The following MYT1L variants were observed in gnomAD, a reference collection of about 807,000 sequenced individuals.
MYT1L encodes myelin transcription factor 1 like, also known as myelin transcription factor 1-like protein.
MYT1L carries 12 observed loss-of-function variants against 126.7 expected under a neutral mutation model. The observed-to-expected ratio is 0.09, with a 90% CI of 0.06 to 0.15. MYT1L has a LOEUF of 0.15. Among genes scored for constraint, MYT1L ranks in the 10% least tolerant of loss-of-function variants. The pLI, the probability that MYT1L is intolerant of heterozygous loss-of-function variation, is 1.00. For missense variants in MYT1L, 979 were observed against 1,585.2 expected (o/e 0.62, Z 6.49); for synonymous variants, 541 against 604.2 (o/e 0.90, Z 1.53).
At chr2:2,300,526 G>A (rs1014174756) in intron 1 of MYT1L, among the ~76,000 whole-genome samples, 4 of 152,074 alleles carry the variant, frequency 2.6e-5, no homozygotes, top group African/African-American at 9.7e-5. Flanking sequence ...AATTTCTTGA[G>A]GTAATTTACA....
intron 14 of MYT1L, among the ~76,000 whole-genome samples, chr2:1,894,021 C>T (rs1307710584): frequency 6.6e-6 from 1 of 152,254 alleles, no homozygotes; most frequent in Non-Finnish European, 1.5e-5. Flanking sequence ...CCGCTTTACA[C>T]CCAGATTCCT....
In MYT1L at chr2:1,974,716, T is replaced by C. The variant is rs993950690; in HGVS notation, c.152+4449A>G. ...GAGCTGACTTAATGCTTTTATCAGA[T>C]CCTGGAACTCTGTCCTTCGCCTTTC... is the stretch of plus-strand genomic sequence containing the variant. On this transcript the variant is annotated intron_variant, in intron 8 of 24. Coordinates refer to ENST00000647738, the MANE Select transcript of MYT1L (RefSeq NM_001303052.2). 2.6e-5 allele frequency: 4 copies of C among 152,168 alleles called. No individual in the cohort carries two copies. The East Asian group carries it at 7.7e-4, about 29-fold the overall frequency. The allele number at this position is 152,168 out of a possible 1,614,324, so 9.4% of individuals were successfully genotyped here.
At chr2:2,267,085 G>C (rs2095150400) in intron 2 of MYT1L, among the ~76,000 whole-genome samples, 1 of 152,244 alleles carries the variant, frequency 6.6e-6, no homozygotes, top group Non-Finnish European at 1.5e-5. Flanking sequence ...TGGGGAAACT[G>C]AGCCAGGAGG....
intron 3 of MYT1L, among the ~76,000 whole-genome samples, chr2:2,082,424 C>G (rs541886908): frequency 2.0e-5 from 3 of 152,160 alleles, no homozygotes; most frequent in Non-Finnish European, 2.9e-5. Flanking sequence ...AAGTTTTACA[C>G]GAGCAAGTGA....
chr2:1,827,174 T>C, intron 21 of MYT1L: 1 of 152,508 alleles, frequency 6.6e-6, no homozygotes, highest in Non-Finnish European at 1.5e-5. Context: ...AGTGAGGGGC[T>C]GCCAGCCCAG....
chr2:2,167,078 T>C (rs1028635437), intron 3 of MYT1L, among the ~76,000 whole-genome samples: 1 of 152,186 alleles, frequency 6.6e-6, no homozygotes, highest in African/African-American at 2.4e-5. Context: ...TCTTGGGTTC[T>C]TTATGAATAA....
At chr2:2,231,691 A>G (rs960423776) in intron 2 of MYT1L, among the ~76,000 whole-genome samples, 2 of 151,676 alleles carry the variant, frequency 1.3e-5, no homozygotes, top group African/African-American at 4.8e-5. Flanking sequence ...CGAGCAATCC[A>G]CCCGCCTCAG....
chr2:1,989,611 G>T (rs893560009), intron 5 of MYT1L, among the ~76,000 whole-genome samples: 10 of 152,260 alleles, frequency 6.6e-5, no homozygotes, highest in African/African-American at 2.4e-4. Context: ...GATGCTCTAC[G>T]CAGGAAAGAA....
intron 13 of MYT1L, among the ~76,000 whole-genome samples, chr2:1,904,106 TA>T (rs1321864776): frequency 2.0e-5 from 3 of 152,226 alleles, no homozygotes; most frequent in African/African-American, 7.2e-5. Context: ...ACCATCTTCA[TA>T]ACCGTCAGAC....
chr2:2,257,673 C>G (rs1457783877), intron 2 of MYT1L, among the ~76,000 whole-genome samples: 2 of 147,360 alleles, frequency 1.4e-5, no homozygotes, highest in Non-Finnish European at 2.9e-5. Context: ...GTATTTTATT[C>G]TCTTTGAGGC....
chr2:2,051,985 A>C (rs2068882932), intron 4 of MYT1L, among the ~76,000 whole-genome samples: 1 of 152,216 alleles, frequency 6.6e-6, no homozygotes, highest in Non-Finnish European at 1.5e-5. Context: ...ATCCCCAAAT[A>C]GCCAAAACTA....
At chr2:2,169,849 T>C (rs574514577) in intron 3 of MYT1L, among the ~76,000 whole-genome samples, 29 of 152,208 alleles carry the variant, frequency 1.9e-4, no homozygotes, top group Admixed American at 2.0e-4. Flanking sequence ...GAACTCCCTC[T>C]GTATCCAGGC....
chr2:1,901,821 G>A (rs1315786343), intron 14 of MYT1L, among the ~76,000 whole-genome samples: 2 of 151,928 alleles, frequency 1.3e-5, no homozygotes, highest in Admixed American at 6.6e-5. Flanking sequence ...CACCATGCCC[G>A]GCTAATTTTT....
At chr2:2,220,215 C>T (rs1435431776) in intron 2 of MYT1L, among the ~76,000 whole-genome samples, 6 of 152,184 alleles carry the variant, frequency 3.9e-5, no homozygotes, top group South Asian at 2.1e-4. Flanking sequence ...CCAAGGTGGT[C>T]GGGGCACAGC....
chr2:2,156,041 A>G (rs1228560339), intron 3 of MYT1L, among the ~76,000 whole-genome samples: 1 of 152,230 alleles, frequency 6.6e-6, no homozygotes, highest in Non-Finnish European at 1.5e-5. Context: ...CGGCTGCAGA[A>G]TAGACAGGTA....
At chr2:1,808,985 G>A (rs1185941255) in intron 22 of MYT1L, 91 bp downstream of exon 22, 1 of 1,121,522 alleles carries the variant, frequency 8.9e-7, no homozygotes, top group East Asian at 2.4e-5. Context: ...AGAAAAGTGA[G>A]CTGTAACTGT....
intron 2 of MYT1L, among the ~76,000 whole-genome samples, chr2:2,203,870 G>T (rs1416932039): frequency 1.3e-5 from 2 of 152,130 alleles, no homozygotes; most frequent in Non-Finnish European, 2.9e-5. Flanking sequence ...ATACTACAAG[G>T]CTACAGTCAC....
intron 18 of MYT1L, chr2:1,885,486 A>T (rs967149044): frequency 3.9e-5 from 6 of 152,638 alleles, no homozygotes; most frequent in Non-Finnish European, 8.8e-5. Flanking sequence ...AGGGCCTTGG[A>T]CAGGGATCCT....
intron 2 of MYT1L, among the ~76,000 whole-genome samples, chr2:2,242,393 A>C (rs1278049737): frequency 6.6e-6 from 1 of 152,216 alleles, no homozygotes; most frequent in Non-Finnish European, 1.5e-5. Context: ...ATAAACTATA[A>C]ATTTTCACCA....
Sources: allele counts gnomAD v4.1 joint callset (sites outside exome capture counted in the v4.1 genomes callset), GRCh38; gene constraint gnomAD v4.1.1; transcripts MANE v1.5; gene names NCBI Gene and HGNC (gene_info 2026-07-23, HGNC 2026-07-21).